Variants in GMEB2 observed in about 807,000 individuals in gnomAD.
GMEB2 encodes glucocorticoid modulatory element binding protein 2, also known as glucocorticoid modulatory element-binding protein 2.
A neutral mutation model predicts 45.7 loss-of-function variants in GMEB2; 7 were observed. The ratio of observed to expected loss-of-function variants is 0.15; its 90% CI spans 0.09 to 0.29. The LOEUF (loss-of-function observed/expected upper bound fraction) is 0.29, where lower values mean the gene tolerates loss of function less well. Ranked by LOEUF, GMEB2 falls within the 10% of genes least tolerant of loss-of-function variation. The probability of loss-of-function intolerance (pLI) is 1.00; values close to 1 mark genes in which losing one functional copy is unlikely to be tolerated. For missense variants in GMEB2, 582 were observed against 739.2 expected, an observed-to-expected ratio of 0.79 and a Z score of 2.47; for synonymous variants, 322 against 323.6, an observed-to-expected ratio of 1.00 and a Z score of 0.05.
chr20:63,615,879 TAAA>T (rs1215802659), intron 2 of GMEB2, among the ~76,000 whole-genome samples: 1 of 152,066 alleles, frequency 6.6e-6, no homozygotes, highest in Non-Finnish European at 1.5e-5. Flanking sequence ...AGTTTAATAA[TAAA>T]AAGGTTTAAG....
intron 2 of GMEB2, among the ~76,000 whole-genome samples, chr20:63,606,418 G>A (rs570914987): frequency 1.4e-3 from 197 of 141,890 alleles, no homozygotes; most frequent in East Asian, 4.9e-3. Context: ...CGCAATCCCC[G>A]CCCACTGCAA....
At chr20:63,607,780 C>T (rs1420927136) in intron 2 of GMEB2, among the ~76,000 whole-genome samples, 1 of 12,052 alleles carries the variant, frequency 8.3e-5, no homozygotes, top group African/African-American at 1.8e-4. Flanking sequence ...CCCTCTGACC[C>T]CACATCCATT....
chr20:63,588,704 C>T lies in GMEB2; in HGVS notation c.*1385G>A, dbSNP rs758239880. On this transcript the variant is annotated 3_prime_UTR_variant, in exon 10 of 10. Transcript: ENST00000370077. ...AGTGGGACACAGGACCCTCGCATTG[C>T]GGGGCCTCAGACGGGCCTTCAACTG... The T allele has an allele frequency of 1.4e-4, 55 of 398,422 alleles. No homozygotes were observed. Among genetic ancestry groups the T allele is most frequent in the Non-Finnish European group, 2.2e-4 (49 of 226,098 alleles). The allele number at this position is 398,422 out of a possible 1,614,324, so 24.7% of individuals were successfully genotyped here. A position where few individuals can be genotyped will look rare whatever the true frequency, so the allele number is the denominator to read the frequency against.
At chr20:63,601,873 C>G (rs13039011) in intron 4 of GMEB2, among the ~76,000 whole-genome samples, 1 of 97,356 alleles carries the variant, frequency 1.0e-5, no homozygotes. Flanking sequence ...CTGTGGCTTC[C>G]GTGCTGCCTG....
At position 63,596,262 on chromosome 20, in the gene GMEB2, G is replaced by A. The variant is rs2083200292; in HGVS notation, c.462-495C>T. On this transcript the variant is annotated intron_variant, in intron 5 of 9. Transcript: ENST00000370077. ...GGCGCAGGACAGCACCAACGGCCAT[G>A]GCTGCCGCTCATCCTCATCTTTACC... Among the ~76,000 whole-genome samples the A allele has an allele frequency of 3.3e-5, 5 of 152,376 alleles. No individual in the cohort carries two copies. In the South Asian group the frequency reaches 1.0e-3, roughly 32 times the overall value.
At chr20:63,616,501 C>T (rs976829032) in intron 2 of GMEB2, among the ~76,000 whole-genome samples, 2 of 152,200 alleles carry the variant, frequency 1.3e-5, no homozygotes, top group Admixed American at 6.5e-5. Flanking sequence ...GTCATCACAA[C>T]AATGCAGAGG....
intron 2 of GMEB2, among the ~76,000 whole-genome samples, chr20:63,606,963 C>T (rs2089524449): frequency 6.6e-6 from 1 of 152,218 alleles, no homozygotes; most frequent in Admixed American, 6.5e-5. Context: ...GGACGCAGGA[C>T]TCCAATGGAG....
chr20:63,626,544 C>A (rs575553262), intron 1 of GMEB2, among the ~76,000 whole-genome samples: 2 of 91,088 alleles, frequency 2.2e-5, no homozygotes, highest in African/African-American at 8.0e-5. Flanking sequence ...GTGGCCCCTG[C>A]GGGTCGCGTG....
Position 63,621,358 on chromosome 20 carries a change from T to C in GMEB2, c.-57-1904A>G, listed in dbSNP as rs74504815. 9.9e-3 allele frequency among the ~76,000 whole-genome samples: 1,504 copies of C among 152,332 alleles called. 27 individuals carry two copies. Among genetic ancestry groups the C allele is most frequent in the African/African-American group, 0.035 (1,437 of 41,560 alleles). On this transcript the variant is annotated intron_variant, in intron 1 of 9. Transcript: ENST00000370077. ...GCACAATCACTGTGGCTGTTCTGAA[T>C]GGTGCTGAACCACACATTTAAAAAC... is the stretch of plus-strand genomic sequence containing the variant.
intron 6 of GMEB2, among the ~76,000 whole-genome samples, chr20:63,594,302 G>A (rs1022107206): frequency 3.3e-5 from 5 of 152,242 alleles, no homozygotes; most frequent in South Asian, 2.1e-4. Flanking sequence ...ACTACAGGGC[G>A]TGGAAGGCCC....
intron 9 of GMEB2, 128 bp downstream of exon 9, chr20:63,591,894 G>A (rs1260103501): frequency 1.1e-5 from 8 of 748,456 alleles, no homozygotes; most frequent in South Asian, 5.4e-5. Flanking sequence ...ACAGCAGTGC[G>A]GAGAAGCTCG....
In GMEB2 at chr20:63,588,402, C is replaced by A. The variant is rs1194669385; in HGVS notation, c.*1687G>T. Reference sequence around the variant, plus strand: ...GGTGGGGGCCGCAGGGCTCTCCTGACCCCCGTAGGGTCATACCGCTGCATG... The same window carrying A: ...GGTGGGGGCCGCAGGGCTCTCCTGAACCCCGTAGGGTCATACCGCTGCATG... On this transcript the variant is annotated 3_prime_UTR_variant, in exon 10 of 10. Coordinates refer to ENST00000370077, the MANE Select transcript of GMEB2 (RefSeq NM_012384.5). 2 of 181,298 alleles carry A rather than the reference C, an allele frequency of 1.1e-5. No homozygotes were observed. Among genetic ancestry groups the A allele is most frequent in the Non-Finnish European group, 2.3e-5 (2 of 87,916 alleles). 11.2% of individuals were successfully genotyped at this position (181,298 alleles called of 1,614,324 possible).
chr20:63,598,484 T>C (rs1164528806), intron 4 of GMEB2, among the ~76,000 whole-genome samples: 1 of 152,156 alleles, frequency 6.6e-6, no homozygotes, highest in Non-Finnish European at 1.5e-5. Flanking sequence ...ACACAAGCAA[T>C]TATTGAAACC....
At chr20:63,614,898 C>T (rs989179741) in intron 2 of GMEB2, among the ~76,000 whole-genome samples, 6 of 152,148 alleles carry the variant, frequency 3.9e-5, no homozygotes, top group East Asian at 1.9e-4. Flanking sequence ...CTTACCCTGC[C>T]GCTTTGTCTT....
intron 5 of GMEB2, 49 bp downstream of exon 5, chr20:63,597,708 C>T: frequency 2.0e-6 from 2 of 1,012,790 alleles, no homozygotes; most frequent in Non-Finnish European, 3.2e-6. Context: ...AAAGCAAGAG[C>T]TGCCAGGGCC....
In GMEB2 at chr20:63,596,774, T is replaced by C. The variant is rs368954503; in HGVS notation, c.461+983A>G. ...GGCTCATGCCTGGAATCCCAGCACT[T>C]TGGGAGGCTGAGGCAGGTCAATCAC... On this transcript the variant is annotated intron_variant, in intron 5 of 9. Coordinates refer to ENST00000370077, the MANE Select transcript of GMEB2 (RefSeq NM_012384.5). Among the ~76,000 whole-genome samples the C allele has an allele frequency of 1.4e-4, 21 of 152,194 alleles. 2 individuals are homozygous for C. The South Asian group carries it at 2.7e-3, about 20-fold the overall frequency.
chr20:63,602,683 A>C (rs950537429), intron 4 of GMEB2, among the ~76,000 whole-genome samples: 1 of 152,210 alleles, frequency 6.6e-6, no homozygotes, highest in Non-Finnish European at 1.5e-5. Flanking sequence ...CTTACCAAAG[A>C]GGCAGCCTTT....
intron 2 of GMEB2, among the ~76,000 whole-genome samples, chr20:63,616,486 T>C (rs2089609357): frequency 6.6e-6 from 1 of 152,212 alleles, no homozygotes; most frequent in South Asian, 2.1e-4. Flanking sequence ...AGGCTCCTCA[T>C]GGAAGTCATC....
At chr20:63,601,957 G>A (rs1238329912) in intron 4 of GMEB2, among the ~76,000 whole-genome samples, 2 of 151,446 alleles carry the variant, frequency 1.3e-5, no homozygotes, top group African/African-American at 4.9e-5. Flanking sequence ...TGGGGCCTGT[G>A]GCTTCTGTGC....
Sources: gnomAD v4.1 joint callset for allele counts (sites outside exome capture counted in the v4.1 genomes callset) on GRCh38, gnomAD v4.1.1 for gene constraint, MANE v1.5 for transcripts, NCBI Gene and HGNC (gene_info 2026-07-23, HGNC 2026-07-21) for gene names.